BICRAL: variants seen among roughly 807,000 people sequenced by gnomAD.
The protein encoded by BICRAL is BICRA like chromatin remodeling complex associated protein.
A neutral mutation model predicts 91.8 loss-of-function variants in BICRAL; 8 were observed. The observed-to-expected ratio is 0.09, with a 90% confidence interval of 0.05 to 0.16. The LOEUF (loss-of-function observed/expected upper bound fraction) is 0.16, where lower values mean the gene tolerates loss of function less well. Among genes scored for constraint, BICRAL ranks in the 10% least tolerant of loss-of-function variants. BICRAL has a pLI of 1.00. For synonymous variants in BICRAL, 445 were observed against 491.1 expected, an observed-to-expected ratio of 0.91 and a Z score of 1.24; for missense variants, 1,038 against 1,310.9, an observed-to-expected ratio of 0.79 and a Z score of 3.21.
chr6:42,825,830 C>CTGT (rs1582848292), intron 5 of BICRAL, among the ~76,000 whole-genome samples: 1 of 151,946 alleles, frequency 6.6e-6, no homozygotes, highest in African/African-American at 2.4e-5. Context: ...TGGCTCACAC[C>CTGT]AACACTTGTG....
chr6:42,834,514 A>C (rs910233767), intron 6 of BICRAL, among the ~76,000 whole-genome samples: 1 of 152,146 alleles, frequency 6.6e-6, no homozygotes, highest in Non-Finnish European at 1.5e-5. Context: ...TAATTCCTTC[A>C]TTTGTCCTGT....
chr6:42,864,981 A>G lies in BICRAL; in HGVS notation c.2775A>G (p.Arg925=), dbSNP rs1050161624. 2 of 1,614,148 alleles carry G rather than the reference A, an allele frequency of 1.2e-6. No individual in the cohort carries two copies. The highest frequency in any genetic ancestry group is 1.7e-6 in the Non-Finnish European group (2 of 1,180,038). ...QSTSEEKASR[R]EPLKASQCSP... The stretch of plus-strand genomic sequence containing the variant: ...CGTCTGAAGAGAAGGCCAGCCGGAG[A>G]GAGCCTCTGAAGGCCAGTCAGTGCT... Residue 925 remains arginine (R), a synonymous_variant, in exon 13 of 13, where the codon AGA becomes AGG. Transcript: ENST00000314073.
chr6:42,820,279 G>T (rs1764102717), intron 2 of BICRAL, among the ~76,000 whole-genome samples: 2 of 152,086 alleles, frequency 1.3e-5, no homozygotes, highest in Non-Finnish European at 2.9e-5. Flanking sequence ...TAATTAGTTT[G>T]TTCCAGAGAC....
intron 1 of BICRAL, among the ~76,000 whole-genome samples, chr6:42,791,213 T>C (rs1689407041): frequency 1.3e-5 from 2 of 152,170 alleles, no homozygotes; most frequent in Admixed American, 1.3e-4. Flanking sequence ...GACCTCTCTG[T>C]ACCAGATCCT....
intron 1 of BICRAL, among the ~76,000 whole-genome samples, chr6:42,750,272 C>T (rs1762355456): frequency 6.6e-6 from 1 of 151,954 alleles, no homozygotes; most frequent in Non-Finnish European, 1.5e-5. Context: ...GTGATCCTTC[C>T]ACCTTAGCCT....
chr6:42,768,907 G>C (rs948498985), intron 1 of BICRAL, among the ~76,000 whole-genome samples: 4 of 152,176 alleles, frequency 2.6e-5, no homozygotes, highest in Admixed American at 2.0e-4. Context: ...TCTCTAAGCA[G>C]GCTAAAGATG....
chr6:42,797,733 G>A (rs1763454379), intron 1 of BICRAL, among the ~76,000 whole-genome samples: 2 of 152,000 alleles, frequency 1.3e-5, no homozygotes, highest in Admixed American at 1.3e-4. Flanking sequence ...CAGTACTTTG[G>A]GACGCCAAAG....
chr6:42,858,396 G>T (rs939757581), intron 10 of BICRAL, among the ~76,000 whole-genome samples: 8 of 149,258 alleles, frequency 5.4e-5, no homozygotes, highest in African/African-American at 1.7e-4. Context: ...CACGCCTTCA[G>T]TCCCAGCTAC....
At chr6:42,857,058 T>C in intron 9 of BICRAL, 33 bp from the exon 10 acceptor site, 2 of 1,573,406 alleles carry the variant, frequency 1.3e-6, no homozygotes, top group East Asian at 2.3e-5. Context: ...CTAACATGAC[T>C]TTACATTGAC....
At chr6:42,758,974 C>T (rs1199550329) in intron 1 of BICRAL, among the ~76,000 whole-genome samples, 5 of 152,170 alleles carry the variant, frequency 3.3e-5, no homozygotes, top group African/African-American at 9.7e-5. Flanking sequence ...GAGACAGAGA[C>T]GTGTCAGGCT....
rs144860143 is a variant in BICRAL at position 42,850,258 on chromosome 6, G to A, written c.1840-1834G>A. Among the ~76,000 whole-genome samples the A allele has an allele frequency of 3.8e-3, 578 of 152,144 alleles. 11 individuals are homozygous for A. The East Asian group carries it at 0.065, about 17-fold the overall frequency. On this transcript the variant is annotated intron_variant, in intron 6 of 12. Transcript: ENST00000314073. ...GAAGAGGCTGGGTGTAGTGGCTCACGCCTGTAATCCCAACACTTTGGGAGA... is the reference window on the plus strand; with the variant it reads ...GAAGAGGCTGGGTGTAGTGGCTCACACCTGTAATCCCAACACTTTGGGAGA...
chr6:42,837,517 C>CGAGGCAGGTGGATCACCTGAGGTCAG (rs1195143371), intron 6 of BICRAL, among the ~76,000 whole-genome samples: 2 of 151,324 alleles, frequency 1.3e-5, no homozygotes, highest in African/African-American at 4.9e-5. Flanking sequence ...TTTGGGAGGC[C>CGAGGCAGGTGGATCACCTGAGGTCAG]GAGGCAGGTG....
At position 42,824,444 on chromosome 6, in the gene BICRAL, A is replaced by G. The variant is rs895442335; in HGVS notation, c.159+1441A>G. Among the ~76,000 whole-genome samples, 8 of 152,002 alleles carry G rather than the reference A, an allele frequency of 5.3e-5. No homozygotes were observed. The East Asian group carries it at 9.7e-4, about 18-fold the overall frequency. ...ACTGCAGCCTCTGCCTCCTGGGTTC[A>G]AGCAATTCTCCTGCCTCAGCTTCCC... On this transcript the variant is annotated intron_variant, in intron 5 of 12. Transcript: ENST00000314073.
At chr6:42,810,631 A>G (rs1763822305) in intron 2 of BICRAL, among the ~76,000 whole-genome samples, 1 of 152,230 alleles carries the variant, frequency 6.6e-6, no homozygotes, top group African/African-American at 2.4e-5. Context: ...CACCCATTGG[A>G]AAACTGTTTG....
Position 42,828,884 on chromosome 6 carries a change from T to A in BICRAL, c.551T>A (p.Val184Glu). 3.7e-6 allele frequency: 6 copies of A among 1,614,196 alleles called. No homozygotes were observed. The highest frequency in any genetic ancestry group is 3.4e-6 in the Non-Finnish European group (4 of 1,180,008). Residue 184 changes from valine to glutamate, a missense_variant, in exon 6 of 13, where the codon GTA (valine) becomes GAA (glutamate). Val to Glu is a moderately radical substitution (Grantham distance 121). This residue lies in a region of BICRAL where 532 missense variants were observed against 724.9 expected (regional missense o/e 0.73). Transcript: ENST00000314073. ...TCGTTTGCAAGCAATACAGTGGGTG[T>A]ACAACATGGCTTTATGCAACATGTG... ...GASFASNTVG[V>E]QHGFMQHVGI... is the part of the protein sequence containing the mutation.
chr6:42,817,241 C>A (rs184681312), intron 2 of BICRAL, among the ~76,000 whole-genome samples: 3 of 151,436 alleles, frequency 2.0e-5, no homozygotes, highest in Admixed American at 2.0e-4. Context: ...ATATTCTGCA[C>A]CTTTCTTTTT....
intron 1 of BICRAL, among the ~76,000 whole-genome samples, chr6:42,764,427 C>T (rs935134613): frequency 1.3e-5 from 2 of 151,644 alleles, no homozygotes; most frequent in African/African-American, 4.8e-5. Flanking sequence ...TGGCACGTGC[C>T]TGTAGTCCCA....
At position 42,864,980 on chromosome 6, in the gene BICRAL, G is replaced by T. The variant is rs1289173727; in HGVS notation, c.2774G>T (p.Arg925Ile). ...QSTSEEKASRREPLKASQCSP... is the reference protein window; with the variant it reads ...QSTSEEKASRIEPLKASQCSP... ...ACGTCTGAAGAGAAGGCCAGCCGGAGAGAGCCTCTGAAGGCCAGTCAGTGC... is the reference window on the plus strand; with the variant it reads ...ACGTCTGAAGAGAAGGCCAGCCGGATAGAGCCTCTGAAGGCCAGTCAGTGC... The change falls in exon 13 of 13, where the codon AGA becomes ATA. Residue 925 changes from arginine (R) to isoleucine (I), a missense_variant. Arg to Ile is a moderately conservative substitution (Grantham distance 97). Coordinates refer to ENST00000314073, the MANE Select transcript of BICRAL (RefSeq NM_001393499.1). 1.2e-6 allele frequency: 2 copies of T among 1,614,118 alleles called. No homozygotes were observed. Among genetic ancestry groups the T allele is most frequent in the Non-Finnish European group, 1.7e-6 (2 of 1,180,044 alleles).
At chr6:42,854,503 GTTTTGTTTTTGT>G (rs529768161) in intron 8 of BICRAL, among the ~76,000 whole-genome samples, 12 of 151,726 alleles carry the variant, frequency 7.9e-5, no homozygotes, top group South Asian at 4.2e-4. Flanking sequence ...TGGGTTTTTT[GTTTTGTTTTTGT>G]TTTTGTTTTT....
Sources: allele counts gnomAD v4.1 joint callset (sites outside exome capture counted in the v4.1 genomes callset), GRCh38; gene constraint gnomAD v4.1.1; regional missense constraint gnomAD v4.1.1; transcripts MANE v1.5; gene names NCBI Gene and HGNC (gene_info 2026-07-23, HGNC 2026-07-21).